Variants in RCAN2 observed in about 807,000 individuals in gnomAD.
The protein encoded by RCAN2 is calcipressin-2.
In RCAN2, 9 loss-of-function variants were observed where a neutral mutation model predicts 23.6. The ratio of observed to expected loss-of-function variants is 0.38; its 90% CI spans 0.23 to 0.67. RCAN2 has a LOEUF of 0.67. Among genes scored for constraint, RCAN2 ranks in the 30% least tolerant of loss-of-function variants. RCAN2 has a pLI of 0.51. For synonymous variants in RCAN2, 109 were observed against 115.7 expected, an observed-to-expected ratio of 0.94 and a Z score of 0.37; for missense variants, 273 against 302.3, an observed-to-expected ratio of 0.90 and a Z score of 0.72.
chr6:46,317,500 C>T (rs1489771900), intron 2 of RCAN2, among the ~76,000 whole-genome samples: 3 of 152,040 alleles, frequency 2.0e-5, no homozygotes, highest in South Asian at 2.1e-4. Context: ...CTCTCTCTGT[C>T]GCCCAGGCTG....
At chr6:46,305,644 T>C (rs921204464) in intron 2 of RCAN2, among the ~76,000 whole-genome samples, 1 of 152,086 alleles carries the variant, frequency 6.6e-6, no homozygotes, top group African/African-American at 2.4e-5. Context: ...GGCATAATTA[T>C]ATGAATTAAG....
intron 3 of RCAN2, among the ~76,000 whole-genome samples, chr6:46,248,449 T>C (rs1766596012): frequency 6.6e-6 from 1 of 152,078 alleles, no homozygotes; most frequent in Admixed American, 6.5e-5. Flanking sequence ...CTCATAACAG[T>C]ATGGGGTGTA....
chr6:46,305,639 A>C (rs944577705), intron 2 of RCAN2, among the ~76,000 whole-genome samples: 21 of 152,170 alleles, frequency 1.4e-4, no homozygotes, highest in African/African-American at 4.6e-4. Context: ...GAAAAGGCAT[A>C]ATTATATGAA....
At chr6:46,438,313 G>C (rs1407544980) in intron 2 of RCAN2, 1 of 152,212 alleles carries the variant, frequency 6.6e-6, no homozygotes, top group African/African-American at 2.4e-5. Context: ...GGCAGTCATG[G>C]CTCTGTGCTA....
At chr6:46,282,148 G>A (rs936531223) in intron 2 of RCAN2, among the ~76,000 whole-genome samples, 8 of 152,052 alleles carry the variant, frequency 5.3e-5, no homozygotes, top group Non-Finnish European at 1.2e-4. Flanking sequence ...CAACTACTTC[G>A]CATTTCCCCT....
intron 2 of RCAN2, among the ~76,000 whole-genome samples, chr6:46,446,449 G>T (rs934091169): frequency 1.3e-5 from 2 of 152,060 alleles, no homozygotes; most frequent in African/African-American, 2.4e-5. Flanking sequence ...AAATGCTAAT[G>T]GGATTTCTTC....
At chr6:46,418,672 T>C (rs1014919766) in intron 2 of RCAN2, among the ~76,000 whole-genome samples, 4 of 136,238 alleles carry the variant, frequency 2.9e-5, no homozygotes, top group African/African-American at 1.1e-4. Context: ...TTAAATATAA[T>C]CATCTCTAAA....
At chr6:46,246,642 A>G in intron 4 of RCAN2, 106 bp downstream of exon 4, 1 of 866,076 alleles carries the variant, frequency 1.2e-6, no homozygotes, top group Non-Finnish European at 1.8e-6. Flanking sequence ...AATCTATTAG[A>G]AATGCAGATG....
chr6:46,336,627 G>A (rs571678283), intron 2 of RCAN2, among the ~76,000 whole-genome samples: 1 of 152,330 alleles, frequency 6.6e-6, no homozygotes, highest in South Asian at 2.1e-4. Flanking sequence ...GAGGGTCATG[G>A]CCGCATAGCT....
intron 2 of RCAN2, among the ~76,000 whole-genome samples, chr6:46,287,664 C>T (rs1184891208): frequency 6.6e-6 from 1 of 152,230 alleles, no homozygotes; most frequent in Admixed American, 6.5e-5. Flanking sequence ...TAAGTATACA[C>T]ACATTTAATA....
intron 2 of RCAN2, among the ~76,000 whole-genome samples, chr6:46,337,798 A>G (rs1466714984): frequency 2.6e-5 from 4 of 152,204 alleles, no homozygotes; most frequent in African/African-American, 9.6e-5. Context: ...TTCCCAGGAC[A>G]GCTGCCGGTA....
intron 4 of RCAN2, among the ~76,000 whole-genome samples, chr6:46,237,937 T>G (rs971095204): frequency 6.6e-6 from 1 of 152,196 alleles, no homozygotes; most frequent in Non-Finnish European, 1.5e-5. Context: ...ACCATCTTCA[T>G]AGTTGACTTG....
chr6:46,252,991 C>A (rs943126398), intron 2 of RCAN2, among the ~76,000 whole-genome samples: 1 of 152,032 alleles, frequency 6.6e-6, no homozygotes, highest in Non-Finnish European at 1.5e-5. Flanking sequence ...TATTAAGATC[C>A]ATTTATCTAT....
chr6:46,429,148 G>T (rs1181187429), intron 2 of RCAN2, among the ~76,000 whole-genome samples: 2 of 152,092 alleles, frequency 1.3e-5, no homozygotes, highest in Non-Finnish European at 2.9e-5. Flanking sequence ...TTACAGAAAT[G>T]CACCTAAAGT....
intron 2 of RCAN2, among the ~76,000 whole-genome samples, chr6:46,296,239 T>C (rs532681965): frequency 7.0e-6 from 1 of 142,564 alleles, no homozygotes; most frequent in Admixed American, 6.8e-5. Flanking sequence ...TTTACACATG[T>C]AGTCCAGAGA....
intron 2 of RCAN2, among the ~76,000 whole-genome samples, chr6:46,356,904 T>G (rs1938960550): frequency 6.6e-6 from 1 of 152,234 alleles, no homozygotes; most frequent in South Asian, 2.1e-4. Context: ...CTAAAGGACC[T>G]ATCAAGTTCA....
At chr6:46,411,550 G>A (rs1377363185) in intron 2 of RCAN2, among the ~76,000 whole-genome samples, 1 of 152,152 alleles carries the variant, frequency 6.6e-6, no homozygotes, top group Non-Finnish European at 1.5e-5. Context: ...GACTAGAGAA[G>A]AAAACAGTAC....
At chr6:46,230,643 G>A (rs1372892281) in intron 4 of RCAN2, among the ~76,000 whole-genome samples, 1 of 152,200 alleles carries the variant, frequency 6.6e-6, no homozygotes, top group Non-Finnish European at 1.5e-5. Flanking sequence ...GTATTAGGGT[G>A]GGAGTGACCC....
chr6:46,238,020 T>A (rs1045793683), intron 4 of RCAN2, among the ~76,000 whole-genome samples: 5 of 152,218 alleles, frequency 3.3e-5, no homozygotes, highest in African/African-American at 1.2e-4. Flanking sequence ...CTGGCCCAAA[T>A]GGCAGATTTG....
Sources: allele counts gnomAD v4.1 joint callset (sites outside exome capture counted in the v4.1 genomes callset), GRCh38; gene constraint gnomAD v4.1.1; transcripts MANE v1.5; gene names NCBI Gene and HGNC (gene_info 2026-07-23, HGNC 2026-07-21).